RIMKLB: variants seen among roughly 807,000 people sequenced by gnomAD.
The protein encoded by RIMKLB is ribosomal modification protein rimK like family member B.
A neutral mutation model predicts 32.0 loss-of-function variants in RIMKLB; 7 were observed. The observed-to-expected ratio is 0.22, with a 90% CI of 0.12 to 0.41. The LOEUF (loss-of-function observed/expected upper bound fraction) is 0.41, where lower values mean the gene tolerates loss of function less well. Ranked by LOEUF, RIMKLB falls within the 10% of genes least tolerant of loss-of-function variation. The pLI, the probability that RIMKLB is intolerant of heterozygous loss-of-function variation, is 1.00. For missense variants in RIMKLB, 289 were observed against 498.7 expected (o/e 0.58, Z 4.00); for synonymous variants, 172 against 185.1 (o/e 0.93, Z 0.57).
chr12:8,677,002 G>C (rs376577642), upstream of RIMKLB, among the ~76,000 whole-genome samples: 4 of 152,220 alleles, frequency 2.6e-5, no homozygotes, highest in African/African-American at 9.6e-5. Context: ...CAAGAAATCA[G>C]ATGCTCACTC....
chr12:8,765,062 G>GT (rs1478047513), intron 5 of RIMKLB, among the ~76,000 whole-genome samples: 4 of 151,470 alleles, frequency 2.6e-5, no homozygotes, highest in African/African-American at 7.3e-5. Flanking sequence ...CACTTCTGAA[G>GT]TTTTTTTCTA....
intron 5 of RIMKLB, among the ~76,000 whole-genome samples, chr12:8,760,940 T>G (rs1949469620): frequency 6.6e-6 from 1 of 152,236 alleles, no homozygotes; most frequent in African/African-American, 2.4e-5. Flanking sequence ...TCTTGGCATC[T>G]TTAATTTAGG....
chr12:8,763,142 T>G (rs183727382), intron 5 of RIMKLB, among the ~76,000 whole-genome samples: 19 of 152,370 alleles, frequency 1.2e-4, no homozygotes, highest in Non-Finnish European at 2.2e-4. Flanking sequence ...CTTCAGATCC[T>G]AAGACTGCTA....
upstream of RIMKLB, among the ~76,000 whole-genome samples, chr12:8,695,875 TAGAGACA>T (rs1387336446): frequency 3.3e-5 from 5 of 152,006 alleles, no homozygotes; most frequent in Non-Finnish European, 7.4e-5. Context: ...GTATTTTTAG[TAGAGACA>T]AGGTTTCTCT....
intron 5 of RIMKLB, among the ~76,000 whole-genome samples, chr12:8,770,797 A>G (rs1021376005): frequency 6.6e-6 from 1 of 152,202 alleles, no homozygotes; most frequent in Non-Finnish European, 1.5e-5. Context: ...AATATCCCCA[A>G]CTTCCCACCT....
At chr12:8,689,089 G>C (rs1398945532) in intron 1 of RIMKLB, among the ~76,000 whole-genome samples, 2 of 152,204 alleles carry the variant, frequency 1.3e-5, no homozygotes, top group Non-Finnish European at 2.9e-5. Flanking sequence ...GCCTGCCTCA[G>C]CCTCCAAAAG....
chr12:8,719,218 G>A (rs78057474), intron 2 of RIMKLB, among the ~76,000 whole-genome samples: 3,477 of 152,160 alleles, frequency 0.023, 124 homozygotes, highest in African/African-American at 0.077. Flanking sequence ...GTTTTTCCAC[G>A]TCTTTTCCTG....
chr12:8,682,590 G>C (rs1942440371), intron 1 of RIMKLB, among the ~76,000 whole-genome samples: 1 of 151,826 alleles, frequency 6.6e-6, no homozygotes, highest in Admixed American at 6.6e-5. Flanking sequence ...GGCTAACACG[G>C]TGAAACCCTG....
chr12:8,719,399 G>A (rs1018771492), intron 2 of RIMKLB, among the ~76,000 whole-genome samples: 15 of 152,050 alleles, frequency 9.9e-5, no homozygotes, highest in African/African-American at 2.7e-4. Context: ...ATGGAGTTTC[G>A]CTCTTGTCGC....
chr12:8,775,403 G>GT lies in RIMKLB; in HGVS notation c.*1622dup. 1.0e-6 allele frequency: 1 copy of GT among 985,442 alleles called. No homozygotes were observed. Among genetic ancestry groups the GT allele is most frequent in the South Asian group, 4.7e-5 (1 of 21,286 alleles). The allele number at this position is 985,442 out of a possible 1,614,324, so 61.0% of individuals were successfully genotyped here. A position where few individuals can be genotyped will look rare whatever the true frequency, so the allele number is the denominator to read the frequency against. ...TGGGTAAAACTAATCCCATTGATGG[G>GT]TTTGGATGGTATGTTAAGAAATGGA... On this transcript the variant is annotated 3_prime_UTR_variant, in exon 6 of 6. Transcript: ENST00000535829.
chr12:8,754,214 A>G (rs1948840059), intron 5 of RIMKLB, 121 bp downstream of exon 5: 4 of 692,824 alleles, frequency 5.8e-6, no homozygotes, highest in African/African-American at 1.8e-5. Flanking sequence ...TTCCTTTTAC[A>G]TGTAAATATG....
chr12:8,774,699 A>G lies in RIMKLB; in HGVS notation c.*915A>G. 3 of 985,704 alleles carry G rather than the reference A, an allele frequency of 3.0e-6. No individual in the cohort carries two copies. Among genetic ancestry groups the G allele is most frequent in the Non-Finnish European group, 3.6e-6 (3 of 829,884 alleles). 61.1% of individuals were successfully genotyped at this position (985,704 alleles called of 1,614,324 possible). A position where few individuals can be genotyped will look rare whatever the true frequency, so the allele number is the denominator to read the frequency against. On this transcript the variant is annotated 3_prime_UTR_variant, in exon 6 of 6. Coordinates refer to ENST00000535829, the MANE Select transcript of RIMKLB (RefSeq NM_001297776.2). Reference sequence around the variant, plus strand: ...CAAGACACTGACTTGAAACATGTACATTTAAAGCCTTTTATTTTTTCCCTT... The same window carrying G: ...CAAGACACTGACTTGAAACATGTACGTTTAAAGCCTTTTATTTTTTCCCTT...
chr12:8,690,588 G>C (rs371481309), intron 1 of RIMKLB, among the ~76,000 whole-genome samples: 55 of 152,314 alleles, frequency 3.6e-4, no homozygotes, highest in African/African-American at 1.3e-3. Flanking sequence ...CTTCGGACAA[G>C]TTACTTAACC....
chr12:8,759,779 G>C (rs756296215), intron 5 of RIMKLB, among the ~76,000 whole-genome samples: 1 of 152,228 alleles, frequency 6.6e-6, no homozygotes, highest in South Asian at 2.1e-4. Context: ...AAGCAATAAG[G>C]ATTGCAGTGA....
chr12:8,729,649 G>C (rs1027230937), intron 2 of RIMKLB, among the ~76,000 whole-genome samples: 1 of 152,062 alleles, frequency 6.6e-6, no homozygotes, highest in African/African-American at 2.4e-5. Context: ...TTGGCTTGAG[G>C]GTTGGGCCCT....
upstream of RIMKLB, among the ~76,000 whole-genome samples, chr12:8,680,646 G>C (rs373139135): frequency 6.6e-6 from 1 of 152,150 alleles, no homozygotes; most frequent in Non-Finnish European, 1.5e-5. Flanking sequence ...AACCCTCTCC[G>C]GGGGTTTGGA....
downstream of RIMKLB, chr12:8,777,510 A>G: frequency 1.7e-6 from 2 of 1,148,214 alleles, no homozygotes; most frequent in South Asian, 1.9e-5. Flanking sequence ...TGGCCTTTGA[A>G]GATCCTTAAT....
At chr12:8,672,165 T>G in the RIMKLB span, among the ~76,000 whole-genome samples, 1 of 152,216 alleles carries the variant, frequency 6.6e-6, no homozygotes, top group Non-Finnish European at 1.5e-5. Context: ...CAGCCTGGAT[T>G]TTATTGTCCA....
downstream of RIMKLB, chr12:8,777,652 C>T: frequency 7.8e-7 from 1 of 1,289,232 alleles, no homozygotes; most frequent in Non-Finnish European, 1.0e-6. Context: ...AAAAAACTTT[C>T]CTTCTTCCCC....
Sources: allele counts gnomAD v4.1 joint callset (sites outside exome capture counted in the v4.1 genomes callset), GRCh38; gene constraint gnomAD v4.1.1; transcripts MANE v1.5; gene names NCBI Gene and HGNC (gene_info 2026-07-23, HGNC 2026-07-21).